WSCD1: variants seen among roughly 807,000 people sequenced by gnomAD.
WSCD1 encodes sialate:O-sulfotransferase 1.
Under a neutral mutation model 60.4 loss-of-function variants are expected in WSCD1, and 41 were observed. That is an observed-to-expected ratio of 0.68 (90% CI 0.53 to 0.88). The LOEUF is 0.88. WSCD1 is among the 40% of genes least tolerant of loss of function. The probability of loss-of-function intolerance (pLI) is 0.00; values close to 1 mark genes in which losing one functional copy is unlikely to be tolerated. For synonymous variants in WSCD1, 361 were observed against 332.5 expected (o/e 1.09, Z -0.93); for missense variants, 784 against 796.2 (o/e 0.98, Z 0.18).
chr17:6,069,397 G>A, upstream of WSCD1: 1 of 306,136 alleles, frequency 3.3e-6, no homozygotes. Flanking sequence ...GTGCGTGTGT[G>A]TGTGTGTGTG....
At chr17:6,107,996 A>G (rs8064258) in intron 5 of WSCD1, among the ~76,000 whole-genome samples, 84,168 of 151,886 alleles carry the variant, frequency 0.55, 24,068 homozygotes, top group East Asian at 0.88. Context: ...TTGAAGAAGG[A>G]CGAGGAGAGT....
chr17:6,089,615 T>A (rs1349560435), intron 3 of WSCD1, among the ~76,000 whole-genome samples: 1 of 152,190 alleles, frequency 6.6e-6, no homozygotes, highest in African/African-American at 2.4e-5. Context: ...GTTAAATGTT[T>A]AGAGTTGTTG....
intron 4 of WSCD1, among the ~76,000 whole-genome samples, chr17:6,091,600 T>C (rs997304240): frequency 1.3e-5 from 2 of 152,220 alleles, no homozygotes; most frequent in African/African-American, 4.8e-5. Flanking sequence ...CTTCCTCTAA[T>C]CACAGAAGGC....
At chr17:6,100,109 A>G (rs1283478142) in intron 5 of WSCD1, among the ~76,000 whole-genome samples, 1 of 152,162 alleles carries the variant, frequency 6.6e-6, no homozygotes, top group East Asian at 1.9e-4. Flanking sequence ...ATGAGAGCTA[A>G]TAAAGAAGGG....
rs756529913 is a variant in WSCD1, at chr17:6,120,668, T to C, written c.*7T>C. 7.5e-6 allele frequency: 12 copies of C among 1,601,168 alleles called. No homozygotes were observed. The highest frequency in any genetic ancestry group is 4.4e-5 in the South Asian group (4 of 90,108). ...GGAGTATGTGCCCAGATGATAGGCCTGGCCCACGCCGCCGCCCCCGCTGAG... is the reference window on the plus strand; with the variant it reads ...GGAGTATGTGCCCAGATGATAGGCCCGGCCCACGCCGCCGCCCCCGCTGAG... On this transcript the variant is annotated 3_prime_UTR_variant, in exon 9 of 9. Transcript: ENST00000317744.
chr17:6,120,294 C>G lies in WSCD1; in HGVS notation c.1376-15C>G, dbSNP rs770212843. ...GCCAGCCCCCGACTCTGCATCTCTCCTGTCCTCACTCTAGAGTGGCCGGAC... is the reference window on the plus strand; with the variant it reads ...GCCAGCCCCCGACTCTGCATCTCTCGTGTCCTCACTCTAGAGTGGCCGGAC... On this transcript the variant is annotated splice_polypyrimidine_tract_variant and intron_variant, in intron 8 of 8. Coordinates refer to ENST00000317744, the MANE Select transcript of WSCD1 (RefSeq NM_015253.2). 6.2e-7 allele frequency: 1 copy of G among 1,608,936 alleles called. No individual in the cohort carries two copies. Among genetic ancestry groups the G allele is most frequent in the Non-Finnish European group, 8.5e-7 (1 of 1,176,896 alleles).
Position 6,105,454 on chromosome 17 carries a change from G to A in WSCD1, c.850-4153G>A, listed in dbSNP as rs559431251. Among the ~76,000 whole-genome samples, 165 of 152,276 alleles carry A rather than the reference G, an allele frequency of 1.1e-3. 1 individual carries two copies. Among genetic ancestry groups the A allele is most frequent in the African/African-American group, 3.8e-3 (157 of 41,548 alleles). On this transcript the variant is annotated intron_variant, in intron 5 of 8. Transcript: ENST00000317744. ...TGAAGCATAGGGTAGGGTGCGAGAAGCAGGGAAGTTGGCAGAGAGATAAGA... is the reference window on the plus strand; with the variant it reads ...TGAAGCATAGGGTAGGGTGCGAGAAACAGGGAAGTTGGCAGAGAGATAAGA...
intron 7 of WSCD1, among the ~76,000 whole-genome samples, chr17:6,115,431 A>G (rs1291385417): frequency 6.6e-6 from 1 of 152,268 alleles, no homozygotes; most frequent in Non-Finnish European, 1.5e-5. Flanking sequence ...TGTAGAAATA[A>G]GAGAAATTAA....
chr17:6,094,457 A>G (rs1479890441), intron 4 of WSCD1, among the ~76,000 whole-genome samples: 1 of 152,090 alleles, frequency 6.6e-6, no homozygotes, highest in African/African-American at 2.4e-5. Flanking sequence ...AGGACATTGA[A>G]TTTTTCACAA....
At chr17:6,091,980 A>AC (rs1464087532) in intron 4 of WSCD1, among the ~76,000 whole-genome samples, 1 of 151,596 alleles carries the variant, frequency 6.6e-6, no homozygotes, top group African/African-American at 2.4e-5. Flanking sequence ...CATGGTGAAA[A>AC]CCCGTCTCTA....
chr17:6,120,963 C>T lies in WSCD1; in HGVS notation c.*302C>T. 7.0e-6 allele frequency: 3 copies of T among 430,906 alleles called. No homozygotes were observed. Among genetic ancestry groups the T allele is most frequent in the Non-Finnish European group, 1.3e-5 (3 of 236,928 alleles). The allele number at this position is 430,906 out of a possible 1,614,324, so 26.7% of individuals were successfully genotyped here. A position where few individuals can be genotyped will look rare whatever the true frequency, so the allele number is the denominator to read the frequency against. On this transcript the variant is annotated 3_prime_UTR_variant, in exon 9 of 9. Coordinates refer to ENST00000317744, the MANE Select transcript of WSCD1 (RefSeq NM_015253.2). ...ACCCACGTGGGGTGTGCCAGGCACC[C>T]CCAGATACAAATGCAGCCACGCACA...
At position 6,116,879 on chromosome 17, in the gene WSCD1, C is replaced by T. The variant is rs1904324984; in HGVS notation, c.1175-1109C>T. 2.6e-5 allele frequency among the ~76,000 whole-genome samples: 4 copies of T among 152,164 alleles called. 1 individual carries two copies. In the South Asian group the frequency reaches 8.3e-4, roughly 32 times the overall value. Reference sequence around the variant, plus strand: ...GATAAGCACATGAGCACTTACGGAACATGTCTCAGGGCTGGGAGCATGGGC... The same window carrying T: ...GATAAGCACATGAGCACTTACGGAATATGTCTCAGGGCTGGGAGCATGGGC... On this transcript the variant is annotated intron_variant, in intron 7 of 8. Coordinates refer to ENST00000317744, the MANE Select transcript of WSCD1 (RefSeq NM_015253.2).
intron 5 of WSCD1, among the ~76,000 whole-genome samples, chr17:6,102,744 T>C (rs1239477407): frequency 1.3e-5 from 2 of 152,230 alleles, no homozygotes; most frequent in Non-Finnish European, 2.9e-5. Context: ...GTTGTGAGCA[T>C]TTTCTTTCAC....
chr17:6,094,589 G>GAGGA (rs930872643), intron 4 of WSCD1, among the ~76,000 whole-genome samples: 5 of 131,712 alleles, frequency 3.8e-5, no homozygotes, highest in Non-Finnish European at 7.1e-5. Flanking sequence ...AGAAGGAAGG[G>GAGGA]AGGAAGGAAG....
Position 6,088,092 on chromosome 17 carries a change from C to A in WSCD1, c.530C>A (p.Ala177Glu). Residue 177 changes from alanine to glutamate, a missense_variant, in exon 3 of 9, where the codon GCG becomes GAG. By Grantham distance (107) the Ala-to-Glu change is moderately radical. Transcript: ENST00000317744. Reference protein sequence around the residue: ...RKMTVSHCQDACAERSYVYAG... With the variant: ...RKMTVSHCQDECAERSYVYAG... ...ATGACTGTCTCCCACTGCCAGGATG[C>A]GTGTGCTGAGCGGTGAGTGCTGGGG... 3.1e-6 allele frequency: 5 copies of A among 1,613,942 alleles called. No individual in the cohort carries two copies. The highest frequency in any genetic ancestry group is 4.2e-6 in the Non-Finnish European group (5 of 1,179,898).
chr17:6,115,151 G>C (rs1911623166), intron 7 of WSCD1, among the ~76,000 whole-genome samples: 1 of 152,196 alleles, frequency 6.6e-6, no homozygotes, highest in Admixed American at 6.5e-5. Context: ...AAGCTCCCAG[G>C]TGACCCTGAT....
At chr17:6,077,892 G>A (rs1185557229) in intron 1 of WSCD1, 2 of 152,190 alleles carry the variant, frequency 1.3e-5, no homozygotes, top group Non-Finnish European at 2.9e-5. Context: ...AGCAGACCTG[G>A]AGACCCCTCC....
rs751949827 is a variant in WSCD1 at position 6,080,934 on chromosome 17, G to A, written c.276G>A (p.Leu92=). Residue 92 remains leucine (L), a synonymous_variant, in exon 2 of 9, where the codon CTG becomes CTA. Coordinates refer to ENST00000317744, the MANE Select transcript of WSCD1 (RefSeq NM_015253.2). This position sits in a 1 kb window ranked among gnomAD's most constrained non-coding sequence, Gnocchi z 6.6. ...LLGVDMLQSP[L]TRPRPGPRWL... is the part of the protein sequence containing the mutation. Reference sequence around the variant, plus strand: ...GTGTGGACATGCTGCAGAGCCCCCTGACCCGGCCCCGGCCCGGCCCCCGCT... The same window carrying A: ...GTGTGGACATGCTGCAGAGCCCCCTAACCCGGCCCCGGCCCGGCCCCCGCT... 1.3e-6 allele frequency: 2 copies of A among 1,580,370 alleles called. No homozygotes were observed. Among genetic ancestry groups the A allele is most frequent in the East Asian group, 2.3e-5 (1 of 43,852 alleles).
intron 7 of WSCD1, among the ~76,000 whole-genome samples, chr17:6,111,315 A>T (rs1311968504): frequency 6.6e-6 from 1 of 152,194 alleles, no homozygotes; most frequent in Non-Finnish European, 1.5e-5. Flanking sequence ...TACTAGAAAA[A>T]GTCTTTTCCT....
Sources: gnomAD v4.1 joint callset for allele counts (sites outside exome capture counted in the v4.1 genomes callset) on GRCh38, gnomAD v4.1.1 for gene constraint, Gnocchi (gnomAD v3.1) non-coding constraint, MANE v1.5 for transcripts, NCBI Gene and HGNC (gene_info 2026-07-23, HGNC 2026-07-21) for gene names.